DPYS: variants seen among roughly 807,000 people sequenced by gnomAD.
DPYS encodes the protein dihydropyrimidinase.
A neutral mutation model predicts 50.3 loss-of-function variants in DPYS; 39 were observed. The observed-to-expected ratio is 0.78, with a 90% CI of 0.60 to 1.01. The LOEUF (loss-of-function observed/expected upper bound fraction) is 1.01, where lower values mean the gene tolerates loss of function less well. DPYS is among the 50% of genes least tolerant of loss of function. The pLI is 0.00. For synonymous variants in DPYS, 245 were observed against 250.7 expected (o/e 0.98, Z 0.22); for missense variants, 659 against 680.9 (o/e 0.97, Z 0.36).
At chr8:104,406,907 G>C (rs536794853) in intron 7 of DPYS, among the ~76,000 whole-genome samples, 16 of 152,250 alleles carry the variant, frequency 1.1e-4, no homozygotes, top group African/African-American at 3.6e-4. Context: ...ATCCTGGCTG[G>C]GTTACTTCTG....
chr8:104,455,023 C>T (rs1813876702), intron 1 of DPYS, among the ~76,000 whole-genome samples: 1 of 152,160 alleles, frequency 6.6e-6, no homozygotes. Context: ...GTGGTGAATA[C>T]TGAATACAGA....
chr8:104,402,544 TATA>T (rs1650699435), intron 7 of DPYS, among the ~76,000 whole-genome samples: 1 of 152,208 alleles, frequency 6.6e-6, no homozygotes, highest in Non-Finnish European at 1.5e-5. Flanking sequence ...GACTTGGTCT[TATA>T]ATTTTATTGT....
At chr8:104,390,241 C>T (rs1362125498) in intron 8 of DPYS, among the ~76,000 whole-genome samples, 4 of 151,980 alleles carry the variant, frequency 2.6e-5, no homozygotes, top group African/African-American at 9.7e-5. Context: ...ATTACTGCTA[C>T]AGTCTCATGA....
At chr8:104,437,080 T>A (rs1813178180) in intron 4 of DPYS, among the ~76,000 whole-genome samples, 1 of 151,940 alleles carries the variant, frequency 6.6e-6, no homozygotes, top group African/African-American at 2.4e-5. Flanking sequence ...TTTAAAAAGG[T>A]GAAAATAGTT....
chr8:104,425,660 G>T (rs961479414), intron 6 of DPYS, among the ~76,000 whole-genome samples: 1 of 152,034 alleles, frequency 6.6e-6, no homozygotes, highest in Admixed American at 6.6e-5. Context: ...AACTCAAGAG[G>T]TTCAATTTTA....
intron 8 of DPYS, among the ~76,000 whole-genome samples, chr8:104,382,162 C>T (rs1811073407): frequency 6.6e-6 from 1 of 152,164 alleles, no homozygotes; most frequent in Non-Finnish European, 1.5e-5. Flanking sequence ...TTACTGAGCT[C>T]ACACAGCCCC....
At position 104,466,822 on chromosome 8, in the gene DPYS, C is replaced by A. The variant is rs951231748; in HGVS notation, c.99G>T (p.Arg33=). 1 of 1,533,564 alleles carries A rather than the reference C, an allele frequency of 6.5e-7. No homozygotes were observed. The highest frequency in any genetic ancestry group is 1.2e-5 in the South Asian group (1 of 83,552). The allele number at this position is 1,533,564 out of a possible 1,614,324, so 95.0% of individuals were successfully genotyped here. A position where few individuals can be genotyped will look rare whatever the true frequency, so the allele number is the denominator to read the frequency against. The stretch of plus-strand genomic sequence containing the variant: ...GAGGCAGCAGGTCGTGCCCGAGTGC[C>A]CGCACCACGCCGTCCTCCACCAGCA... The part of the protein sequence containing the change: ...ADVLVEDGVV[R]ALGHDLLPPG... The change falls in exon 1 of 10, where the codon CGG becomes CGT. Residue 33 remains arginine (R), a synonymous_variant. Coordinates refer to ENST00000351513, the MANE Select transcript of DPYS (RefSeq NM_001385.3).
Position 104,466,647 on chromosome 8 carries a change from G to A in DPYS, c.264+10C>T, listed in dbSNP as rs1013557835. On this transcript the variant is annotated intron_variant, in intron 1 of 9. Transcript: ENST00000351513. ...GGTACCGCGGGGCGGGGGCGCGGCG[G>A]GGCGGGTACCTTGGTGCCCTGGTGG... 27 of 1,506,950 alleles carry A rather than the reference G, an allele frequency of 1.8e-5. No homozygotes were observed. Among genetic ancestry groups the A allele is most frequent in the Admixed American group, 2.0e-5 (1 of 48,900 alleles). The allele number at this position is 1,506,950 out of a possible 1,614,324, so 93.3% of individuals were successfully genotyped here.
chr8:104,436,241 C>A (rs1220638547), intron 4 of DPYS, among the ~76,000 whole-genome samples: 1 of 152,138 alleles, frequency 6.6e-6, no homozygotes, highest in African/African-American at 2.4e-5. Context: ...ATACGGACAG[C>A]CAAGGATCAC....
At chr8:104,382,738 G>A (rs527289099) in intron 8 of DPYS, among the ~76,000 whole-genome samples, 13 of 152,132 alleles carry the variant, frequency 8.5e-5, no homozygotes, top group South Asian at 2.1e-4. Flanking sequence ...CTTTCAGCTC[G>A]TTCCTGCCTA....
At chr8:104,449,784 G>C (rs893158663) in intron 2 of DPYS, among the ~76,000 whole-genome samples, 4 of 152,202 alleles carry the variant, frequency 2.6e-5, no homozygotes, top group Admixed American at 1.3e-4. Flanking sequence ...CCAGAAGTTA[G>C]GAGAGAGGAA....
chr8:104,417,163 C>G (rs1564092605), intron 7 of DPYS, among the ~76,000 whole-genome samples: 2 of 152,166 alleles, frequency 1.3e-5, no homozygotes, highest in Non-Finnish European at 2.9e-5. Context: ...TACGGTCCAG[C>G]TAGAAGTCTT....
intron 8 of DPYS, among the ~76,000 whole-genome samples, chr8:104,381,852 T>TCTCACACACACACACACACA (rs1554689945): frequency 4.0e-5 from 5 of 123,872 alleles, no homozygotes; most frequent in Admixed American, 7.7e-5. Flanking sequence ...AGTTTTGAAA[T>TCTCACACACACACACACACA]CACACACACA....
intron 7 of DPYS, among the ~76,000 whole-genome samples, chr8:104,400,057 G>A (rs1421532172): frequency 1.3e-5 from 2 of 151,586 alleles, no homozygotes; most frequent in African/African-American, 4.8e-5. Context: ...GTACATCCCT[G>A]AGCTCAGACC....
intron 4 of DPYS, among the ~76,000 whole-genome samples, chr8:104,430,330 T>A (rs1310571187): frequency 1.3e-5 from 2 of 151,420 alleles, no homozygotes. Flanking sequence ...TAGCCAGAAA[T>A]GCGTATTTTA....
At chr8:104,420,790 C>T (rs1812516139) in intron 7 of DPYS, 1 of 150,918 alleles carries the variant, frequency 6.6e-6, no homozygotes, top group Admixed American at 6.6e-5. Flanking sequence ...GAAATAGAAC[C>T]CCATGGTTCA....
chr8:104,389,667 T>C (rs1392279269), intron 8 of DPYS, among the ~76,000 whole-genome samples: 1 of 152,126 alleles, frequency 6.6e-6, no homozygotes, highest in Non-Finnish European at 1.5e-5. Context: ...CTACTGAGAC[T>C]CAGCTTTCTA....
At chr8:104,391,468 T>C (rs955093371) in intron 8 of DPYS, among the ~76,000 whole-genome samples, 1 of 152,202 alleles carries the variant, frequency 6.6e-6, no homozygotes, top group Non-Finnish European at 1.5e-5. Flanking sequence ...ATTGGACCCA[T>C]GTGGGATTGA....
intron 7 of DPYS, among the ~76,000 whole-genome samples, chr8:104,417,178 A>C (rs908015464): frequency 1.3e-5 from 2 of 152,228 alleles, no homozygotes; most frequent in Non-Finnish European, 2.9e-5. Context: ...AGTCTTCATT[A>C]AATGTTCCAG....
Sources: allele counts gnomAD v4.1 joint callset (sites outside exome capture counted in the v4.1 genomes callset), GRCh38; gene constraint gnomAD v4.1.1; transcripts MANE v1.5; gene names NCBI Gene and HGNC (gene_info 2026-07-23, HGNC 2026-07-21).